RADIL: variants seen among roughly 807,000 people sequenced by gnomAD.
RADIL encodes the protein Rap associating with DIL domain.
In RADIL, 99 loss-of-function variants were observed where a neutral mutation model predicts 97.6. The ratio of observed to expected loss-of-function variants is 1.01; its 90% CI spans 0.86 to 1.20. The LOEUF (loss-of-function observed/expected upper bound fraction) is 1.20, where lower values mean the gene tolerates loss of function less well. Among genes scored for constraint, RADIL ranks in the 50% most tolerant of loss-of-function variants. The probability of loss-of-function intolerance (pLI) is 0.00; values close to 1 mark genes in which losing one functional copy is unlikely to be tolerated. For missense variants in RADIL, 1,765 were observed against 1,498.9 expected (o/e 1.18, Z -2.93); for synonymous variants, 803 against 691.8 (o/e 1.16, Z -2.52).
intron 2 of RADIL, among the ~76,000 whole-genome samples, chr7:4,871,487 G>A (rs1211343068): frequency 6.6e-6 from 1 of 152,182 alleles, no homozygotes; most frequent in Admixed American, 6.5e-5. Flanking sequence ...TGACAAGGCG[G>A]GACGACAAAT....
Position 4,822,935 on chromosome 7 carries a change from G to C in RADIL, c.1455-381C>G, listed in dbSNP as rs1460093031. On this transcript the variant is annotated intron_variant, in intron 5 of 14. Transcript: ENST00000399583. This position sits in a 1 kb window ranked among gnomAD's most constrained non-coding sequence, Gnocchi z 5.3. ...TATGCGTGCATGGGGGTGGGGGCTG[G>C]TCCATGGTTTTCAGAACAAGAAATG... Among the ~76,000 whole-genome samples, 2 of 152,094 alleles carry C rather than the reference G, an allele frequency of 1.3e-5. No individual in the cohort carries two copies. Among genetic ancestry groups the C allele is most frequent in the Non-Finnish European group, 2.9e-5 (2 of 68,016 alleles).
At chr7:4,843,150 A>G (rs1048661111) in intron 2 of RADIL, among the ~76,000 whole-genome samples, 2 of 151,272 alleles carry the variant, frequency 1.3e-5, no homozygotes, top group Non-Finnish European at 2.9e-5. Context: ...AGGATTACAG[A>G]AGCCCACTAC....
chr7:4,816,562 C>A lies in RADIL; in HGVS notation c.1729-97G>T, dbSNP rs557220112. ...CAGCGAGCTCCCCACCCACGCACTG[C>A]TTGCAGGGACCCGGCCTCGGTAGCT... On this transcript the variant is annotated intron_variant, in intron 7 of 14. Transcript: ENST00000399583. 12 of 978,110 alleles carry A rather than the reference C, an allele frequency of 1.2e-5. 1 individual carries two copies. In the South Asian group the frequency reaches 1.8e-4, roughly 15 times the overall value. 60.6% of individuals were successfully genotyped at this position (978,110 alleles called of 1,614,324 possible).
chr7:4,818,109 T>C lies in RADIL; in HGVS notation c.1616-758A>G, dbSNP rs1469390325. Among the ~76,000 whole-genome samples, 1 of 152,194 alleles carries C rather than the reference T, an allele frequency of 6.6e-6. No individual in the cohort carries two copies. Among genetic ancestry groups the C allele is most frequent in the East Asian group, 1.9e-4 (1 of 5,176 alleles). ...CGGCCAACCACAGTGGTGTTCCCTG[T>C]CAGCCGCGTGGGCGGCCACAGCTCC... On this transcript the variant is annotated intron_variant, in intron 6 of 14. Coordinates refer to ENST00000399583, the MANE Select transcript of RADIL (RefSeq NM_018059.5). This position sits in a 1 kb window ranked among gnomAD's most constrained non-coding sequence, Gnocchi z 7.1.
chr7:4,803,931 A>T (rs1305657589), intron 10 of RADIL, 177 bp from the exon 11 acceptor site: 3 of 701,986 alleles, frequency 4.3e-6, no homozygotes, highest in Non-Finnish European at 7.7e-6. Flanking sequence ...CCTAGGACTC[A>T]TCCCTTCTGA....
In RADIL at chr7:4,818,367, T is replaced by C. The variant is rs1332015487; in HGVS notation, c.1616-1016A>G. 1.3e-5 allele frequency among the ~76,000 whole-genome samples: 2 copies of C among 152,190 alleles called. No homozygotes were observed. Among genetic ancestry groups the C allele is most frequent in the African/African-American group, 4.8e-5 (2 of 41,446 alleles). ...CCAGGACAATGGTGCGCCAAGCCCT[T>C]GGACAAGCCCCTGTCACTTTCGCTC... On this transcript the variant is annotated intron_variant, in intron 6 of 14. Transcript: ENST00000399583. This position sits in a 1 kb window ranked among gnomAD's most constrained non-coding sequence, Gnocchi z 7.1.
At chr7:4,870,107 G>A (rs1045316510) in intron 2 of RADIL, among the ~76,000 whole-genome samples, 3 of 152,298 alleles carry the variant, frequency 2.0e-5, no homozygotes, top group Non-Finnish European at 4.4e-5. Flanking sequence ...ACCACTGCAC[G>A]CTAGCCTGGG....
Position 4,817,187 on chromosome 7 carries a change from C to G in RADIL, c.1728+52G>C, listed in dbSNP as rs955729708. Reference sequence around the variant, plus strand: ...AGAGCCACAGGCACAAGCTTGAGCCCCACTTGATCCCAGGAGCTGCCTGAG... The same window carrying G: ...AGAGCCACAGGCACAAGCTTGAGCCGCACTTGATCCCAGGAGCTGCCTGAG... On this transcript the variant is annotated intron_variant, in intron 7 of 14. Transcript: ENST00000399583. This position sits in a 1 kb window ranked among gnomAD's most constrained non-coding sequence, Gnocchi z 8.3. The G allele has an allele frequency of 2.0e-6, 3 of 1,515,186 alleles. No homozygotes were observed. The highest frequency in any genetic ancestry group is 2.7e-6 in the Non-Finnish European group (3 of 1,102,792). 93.9% of individuals were successfully genotyped at this position (1,515,186 alleles called of 1,614,324 possible). A position where few individuals can be genotyped will look rare whatever the true frequency, so the allele number is the denominator to read the frequency against.
chr7:4,830,753 A>G (rs896007860), intron 5 of RADIL, among the ~76,000 whole-genome samples: 5 of 151,840 alleles, frequency 3.3e-5, no homozygotes, highest in Admixed American at 2.6e-4. Context: ...GGTGGTTCAC[A>G]CCTGTAATCC....
At chr7:4,803,113 G>T (rs1258181311) in intron 11 of RADIL, among the ~76,000 whole-genome samples, 2 of 59,044 alleles carry the variant, frequency 3.4e-5, no homozygotes, top group African/African-American at 1.6e-4. Context: ...GCTGGCTGGG[G>T]GGCCCCCTCC....
At position 4,867,389 on chromosome 7, in the gene RADIL, T is replaced by G. The variant is rs2115041074; in HGVS notation, c.535+10216A>C. 6.6e-6 allele frequency among the ~76,000 whole-genome samples: 1 copy of G among 152,230 alleles called. No homozygotes were observed. The highest frequency in any genetic ancestry group is 2.1e-4 in the South Asian group (1 of 4,808). ...AAGCTGTACCCAATTTGAGTGTCTG[T>G]GCTTAAGGAAATGAATATGTAGTAT... On this transcript the variant is annotated intron_variant, in intron 2 of 14. Transcript: ENST00000399583. The surrounding 1 kb of genome is among the most constrained non-coding windows in gnomAD (Gnocchi z 4.1).
intron 2 of RADIL, among the ~76,000 whole-genome samples, chr7:4,851,726 G>A (rs568350615): frequency 2.0e-5 from 3 of 152,326 alleles, no homozygotes; most frequent in South Asian, 4.2e-4. Context: ...GAGGCAACAG[G>A]AGAGAGAGAA....
rs778405482 is a variant in RADIL, at chr7:4,880,260, C to T, written c.-64-2057G>A. ...TTCTCTTCCTCTGAGGAAGGTGCAA[C>T]GAGTGGCCTTGTCAAATCCTAAGAA... On this transcript the variant is annotated intron_variant, in intron 1 of 14. Transcript: ENST00000399583. This position sits in a 1 kb window ranked among gnomAD's most constrained non-coding sequence, Gnocchi z 4.5. Among the ~76,000 whole-genome samples the T allele has an allele frequency of 2.2e-4, 34 of 152,134 alleles. No homozygotes were observed. The highest frequency in any genetic ancestry group is 1.5e-4 in the Non-Finnish European group (10 of 68,022).
intron 2 of RADIL, among the ~76,000 whole-genome samples, chr7:4,838,933 GTGCACACATGCA>G (rs1459680967): frequency 4.5e-4 from 69 of 152,162 alleles, no homozygotes; most frequent in Non-Finnish European, 6.8e-4. Context: ...CCGTGCACTC[GTGCACACATGCA>G]TGCACACGTG....
rs1029898298 is a variant in RADIL at position 4,849,313 on chromosome 7, T to C, written c.536-12708A>G. The stretch of plus-strand genomic sequence containing the variant: ...AACTGTGCACATATATATATAACTT[T>C]GGTGAAAATAAGTAAAAATATTTAA... On this transcript the variant is annotated intron_variant, in intron 2 of 14. Transcript: ENST00000399583. This position sits in a 1 kb window ranked among gnomAD's most constrained non-coding sequence, Gnocchi z 5.4. 6.6e-6 allele frequency among the ~76,000 whole-genome samples: 1 copy of C among 152,196 alleles called. No individual in the cohort carries two copies.
At chr7:4,808,923 C>T in intron 9 of RADIL, 2 of 924,252 alleles carry the variant, frequency 2.2e-6, no homozygotes, top group Non-Finnish European at 2.5e-6. Flanking sequence ...CCCCACGTCT[C>T]CTTCCAACGC....
intron 5 of RADIL, among the ~76,000 whole-genome samples, chr7:4,823,331 C>CA (rs1782886223): frequency 7.7e-6 from 1 of 129,592 alleles, no homozygotes; most frequent in South Asian, 2.5e-4. Flanking sequence ...TATTAAAAAC[C>CA]TTTTTTTTTT....
chr7:4,876,446 G>A (rs936154611), intron 2 of RADIL, among the ~76,000 whole-genome samples: 21 of 151,880 alleles, frequency 1.4e-4, no homozygotes, highest in Non-Finnish European at 2.1e-4. Flanking sequence ...GATTACAGGC[G>A]CCTGCCACCA....
At chr7:4,836,298 A>C in intron 3 of RADIL, 60 bp downstream of exon 3, 1 of 1,548,274 alleles carries the variant, frequency 6.5e-7, no homozygotes, top group South Asian at 1.2e-5. Context: ...TTGACTTCTG[A>C]GTCCCGCCTG....
Sources: gnomAD v4.1 joint callset for allele counts (sites outside exome capture counted in the v4.1 genomes callset) on GRCh38, gnomAD v4.1.1 for gene constraint, Gnocchi (gnomAD v3.1) non-coding constraint, MANE v1.5 for transcripts, NCBI Gene and HGNC (gene_info 2026-07-23, HGNC 2026-07-21) for gene names.